DIP2C: variants seen among roughly 807,000 people sequenced by gnomAD.
The protein encoded by DIP2C is disco-interacting protein 2 homolog C.
In DIP2C, 33 loss-of-function variants were observed where a neutral mutation model predicts 192.4. The ratio of observed to expected loss-of-function variants is 0.17; its 90% CI spans 0.13 to 0.23. The LOEUF is 0.23. DIP2C is among the 10% of genes least tolerant of loss of function. The probability of loss-of-function intolerance (pLI) is 1.00; values close to 1 mark genes in which losing one functional copy is unlikely to be tolerated. For missense variants in DIP2C, 1,537 were observed against 2,110.1 expected (o/e 0.73, Z 5.32); for synonymous variants, 979 against 864.1 (o/e 1.13, Z -2.33).
intron 22 of DIP2C, 66 bp from the exon 23 acceptor site, chr10:358,003 A>G: frequency 8.0e-7 from 1 of 1,254,422 alleles, no homozygotes; most frequent in Non-Finnish European, 1.1e-6. Context: ...TAGACCTCCC[A>G]CTTTGGTAAA....
At chr10:560,648 T>C (rs1564200779) in intron 1 of DIP2C, among the ~76,000 whole-genome samples, 1 of 152,216 alleles carries the variant, frequency 6.6e-6, no homozygotes, top group African/African-American at 2.4e-5. Flanking sequence ...GCTAATAAAA[T>C]ATTAATTACC....
At position 466,209 on chromosome 10, in the gene DIP2C, G is replaced by T. The variant is rs532096325; in HGVS notation, c.268+6230C>A. 5.9e-5 allele frequency among the ~76,000 whole-genome samples: 9 copies of T among 152,102 alleles called. No individual in the cohort carries two copies. In the South Asian group the frequency reaches 8.3e-4, roughly 14 times the overall value. ...AACAGAGATATAGATCAATGGAACAGAACAGAGCCTGCAGAAATAATGCCA... is the reference window on the plus strand; with the variant it reads ...AACAGAGATATAGATCAATGGAACATAACAGAGCCTGCAGAAATAATGCCA... On this transcript the variant is annotated intron_variant, in intron 3 of 36. Transcript: ENST00000280886.
chr10:440,937 C>T lies in DIP2C; in HGVS notation c.328G>A (p.Val110Met), dbSNP rs1000582967. 2.9e-5 allele frequency: 47 copies of T among 1,613,792 alleles called. No individual in the cohort carries two copies. The highest frequency in any genetic ancestry group is 3.6e-5 in the Non-Finnish European group (42 of 1,180,046). The change falls in exon 4 of 37, where the codon GTG (valine) becomes ATG (methionine). Residue 110 changes from valine to methionine, a missense_variant. Val to Met is a conservative substitution (Grantham distance 21, BLOSUM62 1). Around this residue, in one of 4 missense-constraint regions of DIP2C, gnomAD observed 473 missense variants for 539.6 expected, o/e 0.88. Transcript: ENST00000280886. ...LAKHKERKMA[V>M]PMPSKRRSLV... ...GACCTGCGTTTGGAAGGCATAGGCACTGCCATCTTCCGCTCTTTGTGTTTG... is the reference window on the plus strand; with the variant it reads ...GACCTGCGTTTGGAAGGCATAGGCATTGCCATCTTCCGCTCTTTGTGTTTG...
intron 24 of DIP2C, among the ~76,000 whole-genome samples, chr10:354,512 T>C (rs1958980166): frequency 6.6e-6 from 1 of 152,148 alleles, no homozygotes; most frequent in African/African-American, 2.4e-5. Context: ...ACCCAAATCA[T>C]GTCTGAATCT....
intron 16 of DIP2C, 21 bp from the exon 17 acceptor site, chr10:382,782 T>C (rs770711616): frequency 1.3e-6 from 2 of 1,545,384 alleles, no homozygotes; most frequent in East Asian, 2.3e-5. Flanking sequence ...AGAGGGACAA[T>C]GATCAGACAG....
At chr10:435,076 C>T (rs757214584) in intron 4 of DIP2C, among the ~76,000 whole-genome samples, 8 of 151,866 alleles carry the variant, frequency 5.3e-5, no homozygotes, top group Middle Eastern at 6.8e-3. Context: ...AAAAATACTT[C>T]TTCTGTTCCT....
chr10:413,299 A>G (rs1297159869), intron 8 of DIP2C, among the ~76,000 whole-genome samples: 1 of 152,252 alleles, frequency 6.6e-6, no homozygotes, highest in Admixed American at 6.5e-5. Flanking sequence ...TGAAGACTTA[A>G]GGGAAAGGCG....
At position 359,887 on chromosome 10, in the gene DIP2C, C is replaced by G. The variant is rs1380711447; in HGVS notation, c.2795-1950G>C. Among the ~76,000 whole-genome samples the G allele has an allele frequency of 3.9e-5, 6 of 152,204 alleles. No homozygotes were observed. In the East Asian group the frequency reaches 1.2e-3, roughly 29 times the overall value. On this transcript the variant is annotated intron_variant, in intron 22 of 36. Transcript: ENST00000280886. The stretch of plus-strand genomic sequence containing the variant: ...TCTCCCATCCTGGCCTCCCGCATTG[C>G]TGGGACCACAGGCGTGAGCCACTGC...
chr10:589,127 T>A (rs1031681255), intron 1 of DIP2C, among the ~76,000 whole-genome samples: 1 of 152,056 alleles, frequency 6.6e-6, no homozygotes, highest in Non-Finnish European at 1.5e-5. Context: ...ACCCTCCCCG[T>A]CCTTCTCGAT....
At chr10:503,329 T>C (rs1031467433) in intron 1 of DIP2C, among the ~76,000 whole-genome samples, 1 of 152,220 alleles carries the variant, frequency 6.6e-6, no homozygotes, top group Non-Finnish European at 1.5e-5. Flanking sequence ...ACAATAAACG[T>C]TCCAATTTAA....
At chr10:284,074 T>G (rs1954974024) in intron 34 of DIP2C, among the ~76,000 whole-genome samples, 1 of 152,150 alleles carries the variant, frequency 6.6e-6, no homozygotes, top group South Asian at 2.1e-4. Flanking sequence ...CCAGTGAAGT[T>G]CCACAGATGC....
At chr10:383,973 A>G (rs1962623051) in intron 16 of DIP2C, 54 bp downstream of exon 16, 3 of 1,424,596 alleles carry the variant, frequency 2.1e-6, no homozygotes, top group Middle Eastern at 2.4e-4. Context: ...GAAAAAAAAA[A>G]AAAAAAGACT....
At chr10:609,903 G>A (rs149724148) in intron 1 of DIP2C, among the ~76,000 whole-genome samples, 22 of 152,216 alleles carry the variant, frequency 1.4e-4, no homozygotes, top group East Asian at 5.8e-4. Flanking sequence ...CCTTCCCAGC[G>A]GTTCTTCCTA....
At chr10:316,704 C>A (rs1240483571) in intron 31 of DIP2C, among the ~76,000 whole-genome samples, 1 of 152,202 alleles carries the variant, frequency 6.6e-6, no homozygotes, top group Non-Finnish European at 1.5e-5. Context: ...CCCTCAGGAG[C>A]CCCTGCCTTT....
At chr10:536,399 C>T (rs1588414301) in intron 1 of DIP2C, among the ~76,000 whole-genome samples, 1 of 152,202 alleles carries the variant, frequency 6.6e-6, no homozygotes, top group East Asian at 1.9e-4. Flanking sequence ...AGAGTTGTAT[C>T]TATCTGCAAA....
At chr10:359,775 T>A (rs1175793446) in intron 22 of DIP2C, among the ~76,000 whole-genome samples, 3 of 152,140 alleles carry the variant, frequency 2.0e-5, no homozygotes, top group Non-Finnish European at 2.9e-5. Flanking sequence ...AAGCGTCTTC[T>A]GAATGAAGCA....
chr10:569,423 A>G (rs1345032006), intron 1 of DIP2C, among the ~76,000 whole-genome samples: 3 of 151,036 alleles, frequency 2.0e-5, no homozygotes, highest in Admixed American at 1.3e-4. Context: ...TAGTAATACA[A>G]TTTGAGATAC....
chr10:476,887 G>C (rs991890840), intron 2 of DIP2C, among the ~76,000 whole-genome samples: 1 of 151,734 alleles, frequency 6.6e-6, no homozygotes, highest in Admixed American at 6.6e-5. Flanking sequence ...CGCCCGAAAG[G>C]GGCATCTGTT....
intron 1 of DIP2C, among the ~76,000 whole-genome samples, chr10:533,198 G>A (rs1847515374): frequency 6.6e-6 from 1 of 152,156 alleles, no homozygotes; most frequent in Admixed American, 6.5e-5. Context: ...GTCAAATGCA[G>A]CAGCATCTCC....
Sources: gnomAD v4.1 joint callset for allele counts (sites outside exome capture counted in the v4.1 genomes callset) on GRCh38, gnomAD v4.1.1 for gene constraint, gnomAD v4.1.1 regional missense constraint, MANE v1.5 for transcripts, NCBI Gene and HGNC (gene_info 2026-07-23, HGNC 2026-07-21) for gene names.